SGCD: variants seen among roughly 807,000 people sequenced by gnomAD.
The protein encoded by SGCD is sarcoglycan delta, also known as delta-sarcoglycan.
Under a neutral mutation model 36.6 loss-of-function variants are expected in SGCD, and 18 were observed. The ratio of observed to expected loss-of-function variants is 0.49; its 90% confidence interval spans 0.34 to 0.73. SGCD has a LOEUF of 0.73. Ranked by LOEUF, SGCD falls within the 30% of genes least tolerant of loss-of-function variation. SGCD has a pLI of 0.01. For missense variants in SGCD, 387 were observed against 346.7 expected (o/e 1.12, Z -0.92); for synonymous variants, 133 against 130.6 (o/e 1.02, Z -0.12).
intron 3 of SGCD, among the ~76,000 whole-genome samples, chr5:156,375,447 C>T (rs1358616847): frequency 7.4e-6 from 1 of 134,714 alleles, no homozygotes; most frequent in Non-Finnish European, 1.5e-5. Flanking sequence ...ATTAATGGTG[C>T]TACCTATGGT....
At chr5:155,881,323 T>TAAATAAATAAAG (rs942789932) in intron 1 of SGCD, among the ~76,000 whole-genome samples, 3 of 151,398 alleles carry the variant, frequency 2.0e-5, no homozygotes, top group Non-Finnish European at 2.9e-5. Context: ...AATAAATAAA[T>TAAATAAATAAAG]AAAGAATATA....
chr5:156,344,532 G>T lies in SGCD; in HGVS notation c.47G>T (p.Gly16Val). The change falls in exon 3 of 9, where the codon GGC (glycine) becomes GTC (valine). Residue 16 changes from glycine (G) to valine (V), a missense_variant. Transcript: ENST00000337851. ...QYTHHRSTMP[G>V]SVGPQVYKVG... ...ACTCACCACCGGAGCACCATGCCTG[G>T]CTCTGTGGGGCCACAGGTATACAAG... 1 of 1,610,192 alleles carries T rather than the reference G, an allele frequency of 6.2e-7. No homozygotes were observed. Among genetic ancestry groups the T allele is most frequent in the South Asian group, 1.1e-5 (1 of 90,130 alleles).
rs574104139 is a variant in SGCD, at chr5:156,056,830, A to G, written c.-281-61048A>G. ...GGAGAATCTGTCGGGTGGTTACACA[A>G]CTATAACCACTGGGCATTTTTTGAA... On this transcript the variant is annotated intron_variant, in intron 1 of 9. Coordinates refer to the SGCD transcript ENST00000517913. Among the ~76,000 whole-genome samples, 43 of 145,882 alleles carry G rather than the reference A, an allele frequency of 2.9e-4. 7 individuals carry two copies. Among genetic ancestry groups the G allele is most frequent in the Admixed American group, 4.1e-4 (6 of 14,542 alleles).
chr5:156,040,152 C>T (rs1399087716), intron 1 of SGCD, among the ~76,000 whole-genome samples: 2 of 152,150 alleles, frequency 1.3e-5, no homozygotes, highest in Non-Finnish European at 2.9e-5. Context: ...TAATCATTAT[C>T]GTCATCACCA....
At chr5:156,264,789 G>T (rs1765959008) in intron 3 of SGCD, among the ~76,000 whole-genome samples, 2 of 152,076 alleles carry the variant, frequency 1.3e-5, no homozygotes, top group Non-Finnish European at 2.9e-5. Context: ...ATGTAACAAG[G>T]TAGAGGATTT....
chr5:156,391,916 AGTT>A (rs1281881024), intron 3 of SGCD, among the ~76,000 whole-genome samples: 3 of 152,246 alleles, frequency 2.0e-5, no homozygotes, highest in African/African-American at 7.2e-5. Context: ...TTTCATGAGA[AGTT>A]GTTGTGCCAC....
chr5:156,487,111 C>A (rs1755708614), intron 3 of SGCD, among the ~76,000 whole-genome samples: 1 of 152,128 alleles, frequency 6.6e-6, no homozygotes, highest in Non-Finnish European at 1.5e-5. Flanking sequence ...GATGCATACC[C>A]AGCCTGCTGC....
intron 3 of SGCD, among the ~76,000 whole-genome samples, chr5:156,354,335 TA>T (rs1420039560): frequency 6.6e-6 from 1 of 151,986 alleles, no homozygotes; most frequent in Non-Finnish European, 1.5e-5. Flanking sequence ...GCCTCAGGCA[TA>T]ATGGTTCTAG....
At chr5:155,985,189 A>G (rs927300688) in intron 1 of SGCD, among the ~76,000 whole-genome samples, 2 of 152,202 alleles carry the variant, frequency 1.3e-5, no homozygotes, top group African/African-American at 4.8e-5. Context: ...GTCTGGGCAT[A>G]GGATGGTTCA....
intron 4 of SGCD, among the ~76,000 whole-genome samples, chr5:156,572,688 T>A (rs1759771139): frequency 6.6e-6 from 1 of 152,278 alleles, no homozygotes; most frequent in East Asian, 1.9e-4. Context: ...TCAAAGAGTG[T>A]GAAAGGAGAT....
At chr5:156,261,042 T>G (rs1317987483) in intron 3 of SGCD, among the ~76,000 whole-genome samples, 1 of 152,164 alleles carries the variant, frequency 6.6e-6, no homozygotes, top group Non-Finnish European at 1.5e-5. Context: ...ATCTAAATTA[T>G]ATGTTACTAG....
At chr5:155,767,449 A>AT in the SGCD span, among the ~76,000 whole-genome samples, 1 of 152,146 alleles carries the variant, frequency 6.6e-6, no homozygotes, top group Non-Finnish European at 1.5e-5. Context: ...AACAAACTAC[A>AT]TTTTCTGCTT....
intron 3 of SGCD, among the ~76,000 whole-genome samples, chr5:156,497,573 A>G (rs1756251875): frequency 6.6e-6 from 1 of 151,950 alleles, no homozygotes; most frequent in Non-Finnish European, 1.5e-5. Flanking sequence ...AAGCAATTTG[A>G]CAGTTACATA....
At chr5:156,610,798 G>T (rs1239131436) in intron 6 of SGCD, among the ~76,000 whole-genome samples, 2 of 152,228 alleles carry the variant, frequency 1.3e-5, no homozygotes, top group African/African-American at 4.8e-5. Context: ...AGACTCCTGT[G>T]CTGGCAGTGA....
the SGCD span, among the ~76,000 whole-genome samples, chr5:155,800,492 T>G: frequency 6.6e-6 from 1 of 152,314 alleles, no homozygotes; most frequent in African/African-American, 2.4e-5. Flanking sequence ...TTGAAGGTGT[T>G]TTGGCTTTCA....
intron 4 of SGCD, among the ~76,000 whole-genome samples, chr5:156,526,823 GTA>G (rs1031049127): frequency 1.3e-5 from 2 of 152,154 alleles, no homozygotes; most frequent in African/African-American, 2.4e-5. Context: ...ACAGAGATAC[GTA>G]TTCAAAGGCT....
the SGCD span, among the ~76,000 whole-genome samples, chr5:155,744,773 T>C: frequency 6.6e-6 from 1 of 152,180 alleles, no homozygotes. Flanking sequence ...GAAAAGTTTG[T>C]TCGATGTTTA....
the SGCD span, among the ~76,000 whole-genome samples, chr5:155,817,588 G>T: frequency 6.6e-6 from 1 of 151,362 alleles, no homozygotes; most frequent in African/African-American, 2.4e-5. Context: ...ACTCTCATTT[G>T]CCTTTTTAGC....
the SGCD span, among the ~76,000 whole-genome samples, chr5:155,765,955 A>G: frequency 0.073 from 11,043 of 152,110 alleles, 482 homozygotes; most frequent in African/African-American, 0.11. Flanking sequence ...TTATGGGCTC[A>G]GAAGTGTATG....
Sources: gnomAD v4.1 joint callset for allele counts (sites outside exome capture counted in the v4.1 genomes callset) on GRCh38, gnomAD v4.1.1 for gene constraint, MANE v1.5 for transcripts, NCBI Gene and HGNC (gene_info 2026-07-23, HGNC 2026-07-21) for gene names.